Variants in KAZN observed in about 807,000 individuals in gnomAD.
KAZN encodes the protein kazrin, periplakin interacting protein, also known as kazrin.
Under a neutral mutation model 87.4 loss-of-function variants are expected in KAZN, and 40 were observed. The observed-to-expected ratio is 0.46, with a 90% CI of 0.36 to 0.60. The LOEUF is 0.60. Ranked by LOEUF, KAZN falls within the 20% of genes least tolerant of loss-of-function variation. KAZN has a pLI of 0.00. For synonymous variants in KAZN, 466 were observed against 458.3 expected, an observed-to-expected ratio of 1.02 and a Z score of -0.22; for missense variants, 898 against 1,073.9, an observed-to-expected ratio of 0.84 and a Z score of 2.29.
At chr1:14,064,762 C>T (rs114049520) in intron 1 of KAZN, among the ~76,000 whole-genome samples, 2 of 152,098 alleles carry the variant, frequency 1.3e-5, no homozygotes, top group African/African-American at 2.4e-5. Flanking sequence ...GACTGCCCTG[C>T]GGACGCTCAG....
intron 2 of KAZN, among the ~76,000 whole-genome samples, chr1:14,404,047 G>C: frequency 6.6e-6 from 1 of 152,162 alleles, no homozygotes; most frequent in East Asian, 1.9e-4. Flanking sequence ...AGATTGATCG[G>C]ACCAGGTGTG....
intron 1 of KAZN, among the ~76,000 whole-genome samples, chr1:13,916,962 A>G (rs997345341): frequency 2.0e-5 from 3 of 152,204 alleles, no homozygotes; most frequent in Admixed American, 6.5e-5. Flanking sequence ...CTCCCTGGGT[A>G]ACCATGGAAG....
chr1:14,301,921 T>G (rs1025654516), intron 2 of KAZN, among the ~76,000 whole-genome samples: 1 of 152,200 alleles, frequency 6.6e-6, no homozygotes, highest in Middle Eastern at 3.2e-3. Context: ...CACCTTGTTT[T>G]CCCTTTGTAG....
At chr1:14,340,541 T>C (rs1381431593) in intron 2 of KAZN, among the ~76,000 whole-genome samples, 3 of 152,228 alleles carry the variant, frequency 2.0e-5, no homozygotes, top group Non-Finnish European at 2.9e-5. Flanking sequence ...ATTTTTCTTC[T>C]GTAAGGAAAA....
chr1:14,100,751 G>A (rs1215684417), intron 1 of KAZN, among the ~76,000 whole-genome samples: 2 of 152,208 alleles, frequency 1.3e-5, no homozygotes, highest in African/African-American at 2.4e-5. Flanking sequence ...TTTAGGCACA[G>A]TGAGCCAGTC....
At chr1:13,923,040 A>G (rs1640123195) in intron 1 of KAZN, among the ~76,000 whole-genome samples, 1 of 152,134 alleles carries the variant, frequency 6.6e-6, no homozygotes, top group Non-Finnish European at 1.5e-5. Flanking sequence ...TGGAACATAG[A>G]GTTGACCTGG....
At chr1:14,978,048 A>G (rs1232852541) in intron 2 of KAZN, among the ~76,000 whole-genome samples, 5 of 151,906 alleles carry the variant, frequency 3.3e-5, no homozygotes, top group Admixed American at 6.6e-5. Context: ...ATGTGCCACC[A>G]AGCCCTGCTA....
chr1:14,374,334 C>T (rs1473318186), intron 2 of KAZN, among the ~76,000 whole-genome samples: 1 of 152,186 alleles, frequency 6.6e-6, no homozygotes, highest in Non-Finnish European at 1.5e-5. Context: ...CCAAATCCTC[C>T]AAACTATCAG....
chr1:14,742,208 T>A (rs1644122365), intron 1 of KAZN, among the ~76,000 whole-genome samples: 1 of 152,214 alleles, frequency 6.6e-6, no homozygotes, highest in Admixed American at 6.5e-5. Flanking sequence ...TCCGTCCTGT[T>A]CACTGCCTGT....
chr1:14,724,756 C>T (rs775691738), intron 1 of KAZN, among the ~76,000 whole-genome samples: 6 of 152,230 alleles, frequency 3.9e-5, no homozygotes, highest in Admixed American at 2.0e-4. Flanking sequence ...GCCCCGTTGG[C>T]TTTGATGGGC....
At chr1:14,602,868 C>T (rs1211871569) in intron 1 of KAZN, among the ~76,000 whole-genome samples, 1 of 152,174 alleles carries the variant, frequency 6.6e-6, no homozygotes, top group Non-Finnish European at 1.5e-5. Flanking sequence ...TGCAAGTGGA[C>T]GTGCTGATAG....
At position 14,598,786 on chromosome 1, in the gene KAZN, GC is replaced by G; in HGVS notation, c.-210del. 5 of 1,343,548 alleles carry G rather than the reference GC, an allele frequency of 3.7e-6. No individual in the cohort carries two copies. The highest frequency in any genetic ancestry group is 4.8e-6 in the Non-Finnish European group (5 of 1,052,082). The allele number at this position is 1,343,548 out of a possible 1,614,324, so 83.2% of individuals were successfully genotyped here. Reference sequence around the variant, plus strand: ...TTTTTCTCCTCCGCCTCCTCCCCCCGCCGCCTCGCCACCGCCGCGGCTAGGG... The same window carrying G: ...TTTTTCTCCTCCGCCTCCTCCCCCCGCGCCTCGCCACCGCCGCGGCTAGGG... On this transcript the variant is annotated 5_prime_UTR_variant, in exon 1 of 15. Transcript: ENST00000376030. This position sits in a 1 kb window ranked among gnomAD's most constrained non-coding sequence, Gnocchi z 4.2.
chr1:15,019,091 G>C (rs867071794), intron 2 of KAZN, among the ~76,000 whole-genome samples: 42 of 152,206 alleles, frequency 2.8e-4, no homozygotes, highest in Non-Finnish European at 2.6e-4. Flanking sequence ...AGCCATACTG[G>C]GTCTGTGAGA....
chr1:14,417,683 A>G lies in KAZN; in HGVS notation c.250-181300A>G, dbSNP rs190300590. Among the ~76,000 whole-genome samples the G allele has an allele frequency of 2.4e-3, 368 of 152,228 alleles. 1 individual carries two copies. Among genetic ancestry groups the G allele is most frequent in the Non-Finnish European group, 3.6e-3 (248 of 68,004 alleles). On this transcript the variant is annotated intron_variant, in intron 2 of 16. Transcript: ENST00000636203. ...TTGGGGCCATCAGAAAAAGACTGTC[A>G]TCTGAAATTAAACCACAAGAAACCT...
At chr1:14,738,515 A>T (rs1643982881) in intron 1 of KAZN, among the ~76,000 whole-genome samples, 1 of 152,062 alleles carries the variant, frequency 6.6e-6, no homozygotes, top group Non-Finnish European at 1.5e-5. Context: ...CAGCAAATAA[A>T]TCATAAACCT....
rs1031517070 is a variant in KAZN at position 14,599,907 on chromosome 1, G to T, written c.226+684G>T. On this transcript the variant is annotated intron_variant, in intron 1 of 14. Transcript: ENST00000376030. The surrounding 1 kb of genome is among the most constrained non-coding windows in gnomAD (Gnocchi z 4.4). ...GAGAAATGAAGGCTTAGGGTGGTGGGCTGCAGGGAGCCCGTTTGAAGGGAC... is the reference window on the plus strand; with the variant it reads ...GAGAAATGAAGGCTTAGGGTGGTGGTCTGCAGGGAGCCCGTTTGAAGGGAC... Among the ~76,000 whole-genome samples, 16 of 152,018 alleles carry T rather than the reference G, an allele frequency of 1.1e-4. No homozygotes were observed. The highest frequency in any genetic ancestry group is 9.8e-4 in the Admixed American group (15 of 15,264).
intron 2 of KAZN, among the ~76,000 whole-genome samples, chr1:15,011,055 T>C (rs372117541): frequency 5.3e-5 from 8 of 152,350 alleles, no homozygotes; most frequent in African/African-American, 1.7e-4. Context: ...ACCCAAATGA[T>C]GTGTTCACCA....
chr1:14,006,413 G>A (rs1176125455), intron 1 of KAZN, among the ~76,000 whole-genome samples: 1 of 152,188 alleles, frequency 6.6e-6, no homozygotes, highest in Non-Finnish European at 1.5e-5. Flanking sequence ...GAGGGAGCAA[G>A]AGCGATGCCA....
intron 2 of KAZN, among the ~76,000 whole-genome samples, chr1:14,220,109 C>T (rs1647060686): frequency 6.6e-6 from 1 of 152,158 alleles, no homozygotes; most frequent in African/African-American, 2.4e-5. Flanking sequence ...CTTTTATCAC[C>T]TCTTTGGTCA....
Sources: allele counts gnomAD v4.1 joint callset (sites outside exome capture counted in the v4.1 genomes callset), GRCh38; gene constraint gnomAD v4.1.1; non-coding constraint Gnocchi (gnomAD v3.1); transcripts MANE v1.5; gene names NCBI Gene and HGNC (gene_info 2026-07-23, HGNC 2026-07-21).